Variants in ASIP observed in about 807,000 individuals in gnomAD.
ASIP encodes the protein agouti signaling protein.
ASIP carries 11 observed loss-of-function variants against 10.3 expected under a neutral mutation model. The observed-to-expected ratio is 1.07, with a 90% CI of 0.68 to 1.78. The LOEUF (loss-of-function observed/expected upper bound fraction) is 1.78, where lower values mean the gene tolerates loss of function less well. Ranked by LOEUF, ASIP falls within the 40% of genes most tolerant of loss-of-function variation. ASIP has a pLI of 0.00. For missense variants in ASIP, 180 were observed against 169.2 expected (o/e 1.06, Z -0.35); for synonymous variants, 70 against 70.8 (o/e 0.99, Z 0.06).
intron 1 of ASIP, among the ~76,000 whole-genome samples, chr20:34,242,190 A>C (rs2035294487): frequency 1.3e-5 from 2 of 151,138 alleles, no homozygotes. Flanking sequence ...TCCTTTTTAA[A>C]ATTTTTATTT....
intron 1 of ASIP, chr20:34,214,845 A>G: frequency 6.2e-7 from 1 of 1,603,500 alleles, no homozygotes; most frequent in Non-Finnish European, 8.5e-7. Flanking sequence ...AAATATCATC[A>G]TCCTCATGAA....
chr20:34,204,499 G>A (rs1014706435), intron 1 of ASIP, among the ~76,000 whole-genome samples: 3 of 152,182 alleles, frequency 2.0e-5, no homozygotes, highest in Non-Finnish European at 4.4e-5. Context: ...GATTACAGGT[G>A]TGAGCCACTG....
At chr20:34,268,847 G>A (rs550794347) in intron 3 of ASIP, 144 bp from the exon 4 acceptor site, 9 of 980,700 alleles carry the variant, frequency 9.2e-6, no homozygotes, top group Admixed American at 2.3e-5. Context: ...GAATCTGACT[G>A]GGGGAGCGGG....
At chr20:34,221,160 C>T (rs1321980949) in intron 1 of ASIP, among the ~76,000 whole-genome samples, 4 of 151,628 alleles carry the variant, frequency 2.6e-5, no homozygotes, top group African/African-American at 9.7e-5. Flanking sequence ...GGGTGGATCA[C>T]GAGGTCAGGA....
intron 1 of ASIP, chr20:34,234,830 CAACA>C (rs1232718114): frequency 6.6e-6 from 1 of 152,154 alleles, no homozygotes; most frequent in African/African-American, 2.4e-5. Flanking sequence ...ACAAAAACAA[CAACA>C]AACAGTTTAC....
chr20:34,236,164 AAAAGAAAG>A (rs34632318), intron 1 of ASIP, among the ~76,000 whole-genome samples: 2 of 151,312 alleles, frequency 1.3e-5, no homozygotes, highest in South Asian at 4.2e-4. Context: ...GGAGGGAGGG[AAAAGAAAG>A]AAAGAAAGAA....
intron 1 of ASIP, among the ~76,000 whole-genome samples, chr20:34,235,872 A>AG (rs2035188709): frequency 1.3e-3 from 91 of 69,216 alleles, no homozygotes; most frequent in East Asian, 9.7e-3. Flanking sequence ...AAGGAAAGGA[A>AG]GGAAGGAAGG....
chr20:34,199,463 T>A (rs531577343), intron 1 of ASIP, among the ~76,000 whole-genome samples: 5 of 152,232 alleles, frequency 3.3e-5, no homozygotes, highest in Non-Finnish European at 7.3e-5. Context: ...TTTTCTTACA[T>A]CCTCATCAGT....
chr20:34,245,668 C>A (rs1271046803), intron 1 of ASIP, among the ~76,000 whole-genome samples: 4 of 151,948 alleles, frequency 2.6e-5, no homozygotes, highest in Non-Finnish European at 4.4e-5. Context: ...GGATTACAGG[C>A]GTGAGCCACC....
chr20:34,260,101 G>C (rs986598549), intron 1 of ASIP, among the ~76,000 whole-genome samples: 2 of 151,420 alleles, frequency 1.3e-5, no homozygotes, highest in African/African-American at 4.9e-5. Flanking sequence ...GGACAGCAGA[G>C]ACCAGTGCAA....
At chr20:34,206,565 C>T (rs972776028) in intron 1 of ASIP, among the ~76,000 whole-genome samples, 3 of 151,910 alleles carry the variant, frequency 2.0e-5, no homozygotes, top group Admixed American at 2.0e-4. Context: ...ACATATACCA[C>T]TTTTTTGTTT....
intron 1 of ASIP, among the ~76,000 whole-genome samples, chr20:34,208,475 C>T (rs569385588): frequency 6.8e-4 from 103 of 152,266 alleles, no homozygotes; most frequent in African/African-American, 2.3e-3. Context: ...CTGCCTCAGC[C>T]TCCTGAGTAG....
At chr20:34,206,306 T>C (rs2034936502) in intron 1 of ASIP, among the ~76,000 whole-genome samples, 1 of 152,190 alleles carries the variant, frequency 6.6e-6, no homozygotes, top group African/African-American at 2.4e-5. Flanking sequence ...TCGAATTGTA[T>C]TTTTGTATTC....
intron 1 of ASIP, among the ~76,000 whole-genome samples, chr20:34,258,686 T>TATATATATATATATATATATATAC (rs1245411344): frequency 1.4e-5 from 1 of 72,350 alleles, no homozygotes; most frequent in Admixed American, 1.9e-4. Context: ...TATATATATA[T>TATATATATATATATATATATATAC]ATATACATAC....
chr20:34,194,237 A>G (rs1321754241), upstream of ASIP, among the ~76,000 whole-genome samples: 1 of 152,212 alleles, frequency 6.6e-6, no homozygotes. Flanking sequence ...TGGGAAACCC[A>G]GAGAAGAAAA....
intron 1 of ASIP, chr20:34,246,143 A>G: frequency 2.0e-6 from 2 of 983,554 alleles, no homozygotes; most frequent in Non-Finnish European, 3.2e-6. Flanking sequence ...AAAAGTTGCA[A>G]GGCCACACAC....
intron 1 of ASIP, among the ~76,000 whole-genome samples, chr20:34,197,920 A>G (rs1302789701): frequency 6.6e-6 from 1 of 152,186 alleles, no homozygotes; most frequent in Non-Finnish European, 1.5e-5. Flanking sequence ...ATGGGAAAAC[A>G]AAGACTCACC....
chr20:34,249,561 G>C (rs1601598756), intron 1 of ASIP, among the ~76,000 whole-genome samples: 1 of 152,134 alleles, frequency 6.6e-6, no homozygotes, highest in South Asian at 2.1e-4. Flanking sequence ...AGCTGCACCA[G>C]GCCTCGTGCT....
chr20:34,215,818 A>G, intron 1 of ASIP: 2 of 1,527,964 alleles, frequency 1.3e-6, no homozygotes, highest in African/African-American at 1.4e-5. Flanking sequence ...TTAACTGCTC[A>G]AAATAGGCCA....
Sources: allele counts gnomAD v4.1 joint callset (sites outside exome capture counted in the v4.1 genomes callset), GRCh38; gene constraint gnomAD v4.1.1; transcripts MANE v1.5; gene names NCBI Gene and HGNC (gene_info 2026-07-23, HGNC 2026-07-21).